Variants in SNAI1 observed in about 807,000 individuals in gnomAD.
SNAI1 encodes snail family transcriptional repressor 1.
Under a neutral mutation model 24.7 loss-of-function variants are expected in SNAI1, and 15 were observed. The ratio of observed to expected loss-of-function variants is 0.61; its 90% confidence interval spans 0.41 to 0.93. SNAI1 has a LOEUF of 0.93. SNAI1 is among the 40% of genes least tolerant of loss of function. The pLI is 0.00. For missense variants in SNAI1, 283 were observed against 336.7 expected, an observed-to-expected ratio of 0.84 and a Z score of 1.25; for synonymous variants, 163 against 142.9, an observed-to-expected ratio of 1.14 and a Z score of -1.00.
intron 2 of SNAI1, among the ~76,000 whole-genome samples, chr20:49,985,575 C>G (rs1053298033): frequency 6.6e-6 from 1 of 152,200 alleles, no homozygotes; most frequent in Non-Finnish European, 1.5e-5. Context: ...TCTCACCTCC[C>G]ATCTGGACAT....
chr20:49,984,142 A>C lies in SNAI1; in HGVS notation c.401A>C (p.Gln134Pro). Residue 134 changes from glutamine (Q) to proline (P), a missense_variant, in exon 2 of 3, where the codon CAA becomes CCA. Physicochemically the swap from Gln to Pro is moderately conservative, Grantham distance 76. Transcript: ENST00000244050. ...EAYAAFPGLG[Q>P]VPKQLAQLSE... ...TATGCTGCCTTCCCAGGCTTGGGCCAAGTGCCCAAGCAGCTGGCCCAGCTC... is the reference window on the plus strand; with the variant it reads ...TATGCTGCCTTCCCAGGCTTGGGCCCAGTGCCCAAGCAGCTGGCCCAGCTC... The C allele has an allele frequency of 6.2e-7, 1 of 1,614,138 alleles. No individual in the cohort carries two copies.
At chr20:49,983,423 C>T (rs6095728) in intron 1 of SNAI1, among the ~76,000 whole-genome samples, 40,494 of 146,086 alleles carry the variant, frequency 0.28, 9,328 homozygotes, top group African/African-American at 0.64. Flanking sequence ...GAGAGGAGGC[C>T]TGTGTCAGGA....
intron 2 of SNAI1, among the ~76,000 whole-genome samples, chr20:49,987,312 C>T (rs1225487847): frequency 1.6e-4 from 25 of 152,110 alleles, no homozygotes; most frequent in Admixed American, 1.6e-3. Context: ...GGCTTTGGCC[C>T]CCAACAGAGT....
rs984883204 is a variant in SNAI1, at chr20:49,988,291, G to A, written c.*235G>A. On this transcript the variant is annotated 3_prime_UTR_variant, in exon 3 of 3. Coordinates refer to ENST00000244050, the MANE Select transcript of SNAI1 (RefSeq NM_005985.4). The stretch of plus-strand genomic sequence containing the variant: ...CCATTTCTGTGGAGGGAGGGCAGCT[G>A]GCCCCCAGCCCTGGGGGATTCCTGA... 7 of 508,696 alleles carry A rather than the reference G, an allele frequency of 1.4e-5. No homozygotes were observed. Among genetic ancestry groups the A allele is most frequent in the Non-Finnish European group, 2.1e-5 (6 of 289,726 alleles). 31.5% of individuals were successfully genotyped at this position (508,696 alleles called of 1,614,324 possible).
intron 2 of SNAI1, among the ~76,000 whole-genome samples, chr20:49,986,916 G>A (rs766498752): frequency 5.3e-5 from 8 of 152,302 alleles, no homozygotes; most frequent in Non-Finnish European, 1.0e-4. Flanking sequence ...CATGAGTGAG[G>A]GGGCAGACTC....
chr20:49,987,928 C>T lies in SNAI1; in HGVS notation c.667C>T (p.Leu223=), dbSNP rs761883004. The change falls in exon 3 of 3, where the codon CTG becomes TTG. Residue 223 remains leucine (L), a synonymous_variant. Transcript: ENST00000244050. ...CSRAFADRSN[L]RAHLQTHSDV... ...CCGTGCCTTCGCTGACCGCTCCAAC[C>T]TGCGGGCCCACCTCCAGACCCACTC... is the stretch of plus-strand genomic sequence containing the variant. 3.1e-6 allele frequency: 5 copies of T among 1,614,054 alleles called. No individual in the cohort carries two copies. Among genetic ancestry groups the T allele is most frequent in the South Asian group, 2.2e-5 (2 of 91,090 alleles).
At position 49,983,857 on chromosome 20, in the gene SNAI1, A is replaced by G; in HGVS notation, c.116A>G (p.His39Arg). ...TTCCAGCAGCCCTACGACCAGGCCC[A>G]CCTGCTGGCAGCCATCCCACCTCCG... ...FTFQQPYDQA[H>R]LLAAIPPPEI... Residue 39 changes from histidine (H) to arginine (R), a missense_variant, in exon 2 of 3, where the codon CAC becomes CGC. Physicochemically the swap from His to Arg is conservative, Grantham distance 29. Transcript: ENST00000244050. The G allele has an allele frequency of 1.9e-6, 3 of 1,609,638 alleles. No individual in the cohort carries two copies. The highest frequency in any genetic ancestry group is 2.2e-5 in the East Asian group (1 of 44,818).
intron 2 of SNAI1, 124 bp from the exon 3 acceptor site, chr20:49,987,748 C>T (rs2078338491): frequency 8.0e-6 from 7 of 874,326 alleles, no homozygotes; most frequent in African/African-American, 4.9e-5. Context: ...GTGTGTTTGA[C>T]GGAGGCCTGG....
Position 49,983,071 on chromosome 20 carries a change from T to C in SNAI1, c.12T>C (p.Ser4=). Residue 4 remains serine (S), a synonymous_variant, in exon 1 of 3, where the codon TCT becomes TCC. Transcript: ENST00000244050. MPR[S]FLVRKPSDPN... ...GTGCCTCGACCACTATGCCGCGCTCTTTCCTCGTCAGGAAGCCCTCCGACC... is the reference window on the plus strand; with the variant it reads ...GTGCCTCGACCACTATGCCGCGCTCCTTCCTCGTCAGGAAGCCCTCCGACC... 1.9e-6 allele frequency: 3 copies of C among 1,613,640 alleles called. No homozygotes were observed. The highest frequency in any genetic ancestry group is 2.5e-6 in the Non-Finnish European group (3 of 1,179,894).
chr20:49,983,117 A>G lies in SNAI1; in HGVS notation c.58A>G (p.Ser20Gly). Residue 20 changes from serine to glycine, a missense_variant, in exon 1 of 3, where the codon AGC becomes GGC. Physicochemically the swap from Ser to Gly is moderately conservative, Grantham distance 56. Coordinates refer to ENST00000244050, the MANE Select transcript of SNAI1 (RefSeq NM_005985.4). ...CGACCCCAATCGGAAGCCTAACTAC[A>G]GCGAGCTGCAGGACTCTAATCCAGG... ...PSDPNRKPNY[S>G]ELQDSNPEFT... The G allele has an allele frequency of 6.2e-7, 1 of 1,613,718 alleles. No homozygotes were observed. Among genetic ancestry groups the G allele is most frequent in the Non-Finnish European group, 8.5e-7 (1 of 1,179,844 alleles).
Position 49,987,837 on chromosome 20 carries a change from CGGCTCACTCGGCCTTTCT to C in SNAI1, c.611-31_611-14del. 1 of 1,601,352 alleles carries C rather than the reference CGGCTCACTCGGCCTTTCT, an allele frequency of 6.2e-7. No individual in the cohort carries two copies. Among genetic ancestry groups the C allele is most frequent in the Non-Finnish European group, 8.5e-7 (1 of 1,169,934 alleles). ...CCCATCACTGCCAGCCGTTGTCCCA[CGGCTCACTCGGCCTTTCT>C]GGCGTTCTCTCCCCAGGCGAGAAGC... is the stretch of plus-strand genomic sequence containing the variant. On this transcript the variant is annotated splice_polypyrimidine_tract_variant and intron_variant, in intron 2 of 2. Transcript: ENST00000244050.
intron 2 of SNAI1, among the ~76,000 whole-genome samples, chr20:49,986,166 C>G (rs1159389057): frequency 6.6e-6 from 1 of 152,212 alleles, no homozygotes; most frequent in Non-Finnish European, 1.5e-5. Flanking sequence ...GGTGAACTTA[C>G]CCTTCTCATT....
At chr20:49,987,000 C>T (rs2078335855) in intron 2 of SNAI1, among the ~76,000 whole-genome samples, 1 of 152,210 alleles carries the variant, frequency 6.6e-6, no homozygotes, top group South Asian at 2.1e-4. Flanking sequence ...ACTGGGCACC[C>T]AGCTCCATGT....
rs1488083794 is a variant in SNAI1, at chr20:49,983,907, C to A, written c.166C>A (p.Leu56Met). 1 of 1,613,512 alleles carries A rather than the reference C, an allele frequency of 6.2e-7. No individual in the cohort carries two copies. The highest frequency in any genetic ancestry group is 2.2e-5 in the East Asian group (1 of 44,878). Residue 56 changes from leucine to methionine, a missense_variant, in exon 2 of 3, where the codon CTG (leucine) becomes ATG (methionine). Leu to Met is a conservative substitution (Grantham distance 15). Transcript: ENST00000244050. ...GGAGATCCTCAACCCCACCGCCTCGCTGCCAATGCTCATCTGGGACTCTGT... is the reference window on the plus strand; with the variant it reads ...GGAGATCCTCAACCCCACCGCCTCGATGCCAATGCTCATCTGGGACTCTGT... ...PPEILNPTAS[L>M]PMLIWDSVLA... is the part of the protein sequence containing the mutation.
chr20:49,984,483 G>A (rs2078327871), intron 2 of SNAI1, 132 bp downstream of exon 2: 3 of 936,798 alleles, frequency 3.2e-6, no homozygotes, highest in South Asian at 1.8e-5. Context: ...CAAGTTCCAG[G>A]GCCTGGCTCT....
chr20:49,986,770 T>C (rs1051612532), intron 2 of SNAI1, among the ~76,000 whole-genome samples: 2 of 152,120 alleles, frequency 1.3e-5, no homozygotes, highest in African/African-American at 4.8e-5. Flanking sequence ...CCAGCCTCAA[T>C]AGATTTTTGT....
In SNAI1 at chr20:49,988,187, C is replaced by G. The variant is rs974111593; in HGVS notation, c.*131C>G. On this transcript the variant is annotated 3_prime_UTR_variant, in exon 3 of 3. Transcript: ENST00000244050. ...CTGAGTGCCCCACTTCTGGCCACAT[C>G]AGCCCCACAGGACTTTGATGAAGAC... 7 of 757,858 alleles carry G rather than the reference C, an allele frequency of 9.2e-6. No individual in the cohort carries two copies. The African/African-American group carries it at 1.2e-4, about 13-fold the overall frequency. The allele number at this position is 757,858 out of a possible 1,614,324, so 46.9% of individuals were successfully genotyped here.
intron 1 of SNAI1, 106 bp from the exon 2 acceptor site, chr20:49,983,718 A>C: frequency 9.0e-7 from 1 of 1,107,076 alleles, no homozygotes. Context: ...TGATCTAATT[A>C]TGTATTGAGA....
rs886422555 is a variant in SNAI1 at position 49,983,006 on chromosome 20, T to C, written c.-54T>C. 5 of 1,206,846 alleles carry C rather than the reference T, an allele frequency of 4.1e-6. No homozygotes were observed. The East Asian group carries it at 8.7e-5, about 21-fold the overall frequency. The allele number at this position is 1,206,846 out of a possible 1,614,324, so 74.8% of individuals were successfully genotyped here. On this transcript the variant is annotated 5_prime_UTR_variant, in exon 1 of 3. Coordinates refer to ENST00000244050, the MANE Select transcript of SNAI1 (RefSeq NM_005985.4). ...TTGCGCCGCGGCACGGCCTAGCGAG[T>C]GGTTCTTCTGCGCTACTGCTGCGCG...
Sources: gnomAD v4.1 joint callset for allele counts (sites outside exome capture counted in the v4.1 genomes callset) on GRCh38, gnomAD v4.1.1 for gene constraint, MANE v1.5 for transcripts, NCBI Gene and HGNC (gene_info 2026-07-23, HGNC 2026-07-21) for gene names.